NPY1R: variants seen among roughly 807,000 people sequenced by gnomAD.
The protein encoded by NPY1R is neuropeptide Y receptor type 1.
Under a neutral mutation model 24.1 loss-of-function variants are expected in NPY1R, and 10 were observed. The observed-to-expected ratio is 0.42, with a 90% CI of 0.26 to 0.71. The LOEUF (loss-of-function observed/expected upper bound fraction) is 0.71, where lower values mean the gene tolerates loss of function less well. NPY1R is among the 30% of genes least tolerant of loss of function. The pLI, the probability that NPY1R is intolerant of heterozygous loss-of-function variation, is 0.28. For missense variants in NPY1R, 350 were observed against 458.0 expected, an observed-to-expected ratio of 0.76 and a Z score of 2.15; for synonymous variants, 168 against 165.9, an observed-to-expected ratio of 1.01 and a Z score of -0.10.
upstream of NPY1R, among the ~76,000 whole-genome samples, chr4:163,337,358 T>C (rs998781111): frequency 6.6e-6 from 1 of 152,210 alleles, no homozygotes; most frequent in Non-Finnish European, 1.5e-5. Context: ...TCTCTCTCCT[T>C]TTAGAAGCTA....
At chr4:163,333,378 C>T (rs1307182020), upstream of NPY1R, among the ~76,000 whole-genome samples, 1 of 151,588 alleles carries the variant, frequency 6.6e-6, no homozygotes, top group East Asian at 1.9e-4. Flanking sequence ...TCATGGTGCC[C>T]GATGATTCAG....
At chr4:163,330,515 G>A (rs1734702667) in intron 1 of NPY1R, among the ~76,000 whole-genome samples, 1 of 152,128 alleles carries the variant, frequency 6.6e-6, no homozygotes, top group South Asian at 2.1e-4. Flanking sequence ...ATAACTGTCA[G>A]AAAATAACAA....
intron 1 of NPY1R, among the ~76,000 whole-genome samples, chr4:163,343,483 C>T (rs1442104255): frequency 6.6e-6 from 1 of 151,864 alleles, no homozygotes; most frequent in Non-Finnish European, 1.5e-5. Flanking sequence ...TTTCTATCAC[C>T]ACACCACCCC....
At chr4:163,329,568 T>A (rs1461737035) in intron 1 of NPY1R, among the ~76,000 whole-genome samples, 1 of 150,444 alleles carries the variant, frequency 6.6e-6, no homozygotes, top group Non-Finnish European at 1.5e-5. Context: ...GCCACCGCAC[T>A]CCAGCCTGGG....
At chr4:163,340,309 C>CATATATATAT (rs142056779) in intron 1 of NPY1R, among the ~76,000 whole-genome samples, 4 of 147,598 alleles carry the variant, frequency 2.7e-5, no homozygotes, top group African/African-American at 9.9e-5. Flanking sequence ...TCTTCTTGTA[C>CATATATATAT]ATATATATAT....
At chr4:163,328,733 A>T (rs1302435444) in intron 1 of NPY1R, among the ~76,000 whole-genome samples, 1 of 152,170 alleles carries the variant, frequency 6.6e-6, no homozygotes, top group Non-Finnish European at 1.5e-5. Flanking sequence ...TACCAAATAT[A>T]GCTCTGCGTC....
At chr4:163,334,017 C>CT (rs11440670), upstream of NPY1R, among the ~76,000 whole-genome samples, 127,613 of 149,098 alleles carry the variant, frequency 0.86, 54,978 homozygotes, top group East Asian at 0.99. Context: ...CACACACATA[C>CT]TTTTTTTTTT....
chr4:163,338,868 A>G (rs1033941342), intron 1 of NPY1R, among the ~76,000 whole-genome samples: 3 of 151,996 alleles, frequency 2.0e-5, no homozygotes, highest in Non-Finnish European at 4.4e-5. Context: ...CTTCTCCCTC[A>G]AGCCAGAACC....
chr4:163,332,762 AT>A (rs1560858501), upstream of NPY1R: 1 of 152,454 alleles, frequency 6.6e-6, no homozygotes, highest in Admixed American at 6.5e-5. Flanking sequence ...AAGAAAAGCA[AT>A]CCAACAGAAG....
intron 1 of NPY1R, among the ~76,000 whole-genome samples, chr4:163,340,263 T>A (rs1235763522): frequency 6.6e-6 from 1 of 151,926 alleles, no homozygotes; most frequent in African/African-American, 2.4e-5. Context: ...TGGATTGACA[T>A]AATAAAATGT....
chr4:163,331,972 G>A (rs574819959), intron 1 of NPY1R, among the ~76,000 whole-genome samples: 1 of 152,302 alleles, frequency 6.6e-6, no homozygotes, highest in East Asian at 1.9e-4. Flanking sequence ...CCAGCTCCCA[G>A]CCCGACACCT....
intron 1 of NPY1R, among the ~76,000 whole-genome samples, chr4:163,330,114 G>GTA (rs1734694736): frequency 6.6e-6 from 1 of 152,192 alleles, no homozygotes; most frequent in African/African-American, 2.4e-5. Context: ...AGACCAAGAT[G>GTA]TATACCATGG....
rs1343315700 is a variant in NPY1R at position 163,325,991 on chromosome 4, T to A, written c.564A>T (p.Thr188=). 6.2e-7 allele frequency: 1 copy of A among 1,614,038 alleles called. No homozygotes were observed. The highest frequency in any genetic ancestry group is 1.6e-4 in the Middle Eastern group (1 of 6,062). Residue 188 remains threonine, a synonymous_variant, in exon 2 of 3, where the codon ACA becomes ACT. Transcript: ENST00000296533. Reference sequence around the variant, plus strand: ...CGTATTTGTCTTTGTACGCATCAAGTGTTACATTTTGGAACGGCTCATCAG... The same window carrying A: ...CGTATTTGTCTTTGTACGCATCAAGAGTTACATTTTGGAACGGCTCATCAG... ...VMTDEPFQNV[T]LDAYKDKYVC...
chr4:163,339,291 C>A (rs1029026414), intron 1 of NPY1R, among the ~76,000 whole-genome samples: 1 of 152,250 alleles, frequency 6.6e-6, no homozygotes, highest in East Asian at 1.9e-4. Context: ...TCTTACCAAC[C>A]CTTTACATTT....
At chr4:163,335,456 T>C (rs1734820043), upstream of NPY1R, among the ~76,000 whole-genome samples, 1 of 152,174 alleles carries the variant, frequency 6.6e-6, no homozygotes, top group South Asian at 2.1e-4. Flanking sequence ...GACAGTATGC[T>C]TGCTACTGGA....
chr4:163,325,907 C>T lies in NPY1R; in HGVS notation c.648G>A (p.Leu216=). 6.2e-7 allele frequency: 1 copy of T among 1,613,872 alleles called. No individual in the cohort carries two copies. Residue 216 remains leucine, a synonymous_variant, in exon 2 of 3, where the codon TTG becomes TTA. Coordinates refer to ENST00000296533, the MANE Select transcript of NPY1R (RefSeq NM_000909.6). ...AAAGTGGACCAAAATACTGCAGCACCAAGAGGAGAGTGGTATAAGACAACC... is the reference window on the plus strand; with the variant it reads ...AAAGTGGACCAAAATACTGCAGCACTAAGAGGAGAGTGGTATAAGACAACC... ...SHRLSYTTLL[L]VLQYFGPLCF... is the part of the protein sequence containing the mutation.
At chr4:163,330,283 A>G (rs192263160) in intron 1 of NPY1R, among the ~76,000 whole-genome samples, 78 of 152,346 alleles carry the variant, frequency 5.1e-4, no homozygotes, top group African/African-American at 1.8e-3. Flanking sequence ...CTAGCCTGAT[A>G]CCTTTGAAAT....
intron 1 of NPY1R, among the ~76,000 whole-genome samples, chr4:163,329,502 G>A (rs1734680591): frequency 6.6e-6 from 1 of 152,054 alleles, no homozygotes; most frequent in Non-Finnish European, 1.5e-5. Flanking sequence ...TCGGGAGGCT[G>A]TGGCAGGAGA....
chr4:163,344,504 G>A (rs1211738840), exon 1 of NPY1R: 2 of 151,916 alleles, frequency 1.3e-5, no homozygotes, highest in Non-Finnish European at 2.9e-5. Context: ...CGGGTCTCTG[G>A]CGAGGCCGGG....
Sources: gnomAD v4.1 joint callset for allele counts (sites outside exome capture counted in the v4.1 genomes callset) on GRCh38, gnomAD v4.1.1 for gene constraint, MANE v1.5 for transcripts, NCBI Gene and HGNC (gene_info 2026-07-23, HGNC 2026-07-21) for gene names.